Variants in PPARGC1A observed in about 807,000 individuals in gnomAD.
The protein encoded by PPARGC1A is peroxisome proliferator-activated receptor gamma coactivator 1-alpha.
Under a neutral mutation model 88.7 loss-of-function variants are expected in PPARGC1A, and 25 were observed. That is an observed-to-expected ratio of 0.28 (90% CI 0.21 to 0.39). PPARGC1A has a LOEUF of 0.39. PPARGC1A is among the 10% of genes least tolerant of loss of function. The pLI is 1.00. For missense variants in PPARGC1A, 880 were observed against 968.7 expected (o/e 0.91, Z 1.22); for synonymous variants, 363 against 355.6 (o/e 1.02, Z -0.24).
rs933601677 is a variant in PPARGC1A, at chr4:23,824,220, T to TAC, written c.877+58_877+59dup. On this transcript the variant is annotated intron_variant, in intron 7 of 12. Coordinates refer to ENST00000264867, the MANE Select transcript of PPARGC1A (RefSeq NM_013261.5). Reference sequence around the variant, plus strand: ...TAGACAGTACACTCTGTTATCTTATTACACACACACACATATACAGACAGA... The same window carrying TAC: ...TAGACAGTACACTCTGTTATCTTATTACACACACACACACATATACAGACAGA... The TAC allele has an allele frequency of 7.6e-5, 105 of 1,380,910 alleles. 1 individual carries two copies. Among genetic ancestry groups the TAC allele is most frequent in the South Asian group, 6.3e-4 (54 of 85,998 alleles). 85.5% of individuals were successfully genotyped at this position (1,380,910 alleles called of 1,614,324 possible).
the PPARGC1A span, among the ~76,000 whole-genome samples, chr4:24,302,847 T>C: frequency 6.6e-6 from 1 of 152,202 alleles, no homozygotes; most frequent in African/African-American, 2.4e-5. Context: ...CCTGGGGACA[T>C]AGACTCAAGA....
the PPARGC1A span, among the ~76,000 whole-genome samples, chr4:24,463,014 G>C: frequency 1.3e-5 from 2 of 151,888 alleles, no homozygotes; most frequent in Non-Finnish European, 2.9e-5. Context: ...TCACAAGCCC[G>C]CCAACTTCTA....
At chr4:24,283,468 G>C in the PPARGC1A span, among the ~76,000 whole-genome samples, 1 of 152,182 alleles carries the variant, frequency 6.6e-6, no homozygotes, top group African/African-American at 2.4e-5. Context: ...GAAGGAAACG[G>C]CTTCATTTAC....
the PPARGC1A span, among the ~76,000 whole-genome samples, chr4:24,034,101 T>A: frequency 6.6e-6 from 1 of 152,200 alleles, no homozygotes; most frequent in African/African-American, 2.4e-5. Context: ...AAAAAGTATA[T>A]CCCTAAACAA....
At chr4:23,999,174 A>G in the PPARGC1A span, among the ~76,000 whole-genome samples, 1 of 152,048 alleles carries the variant, frequency 6.6e-6, no homozygotes, top group African/African-American at 2.4e-5. Context: ...GTGCCTTTAT[A>G]AGCCACGGTA....
At chr4:24,171,571 A>C in the PPARGC1A span, among the ~76,000 whole-genome samples, 13 of 151,878 alleles carry the variant, frequency 8.6e-5, no homozygotes, top group Non-Finnish European at 1.9e-4. Context: ...TGAGATTAGG[A>C]CTCTTGGTTC....
At chr4:23,939,863 C>T in the PPARGC1A span, among the ~76,000 whole-genome samples, 2 of 152,138 alleles carry the variant, frequency 1.3e-5, no homozygotes, top group Non-Finnish European at 2.9e-5. Context: ...TAATAAGAAC[C>T]TCAGCATCTG....
chr4:24,202,195 G>A, the PPARGC1A span, among the ~76,000 whole-genome samples: 5 of 152,214 alleles, frequency 3.3e-5, no homozygotes, highest in African/African-American at 1.2e-4. Context: ...TCACTTTTAA[G>A]CACTCCCATT....
chr4:23,829,410 A>G (rs1724594084), intron 4 of PPARGC1A, 53 bp downstream of exon 4: 12 of 1,590,288 alleles, frequency 7.5e-6, no homozygotes, highest in Non-Finnish European at 1.0e-5. Context: ...TTACTGCTTC[A>G]AGCCAAAATC....
chr4:23,880,797 T>C (rs1715770915), intron 2 of PPARGC1A: 1 of 152,194 alleles, frequency 6.6e-6, no homozygotes, highest in South Asian at 2.1e-4. Context: ...ACATGAACGC[T>C]GGCTACAGCT....
intron 7 of PPARGC1A, among the ~76,000 whole-genome samples, chr4:23,815,125 GA>G (rs5856793): frequency 0.38 from 46,544 of 121,196 alleles, 7,628 homozygotes; most frequent in Admixed American, 0.48. Context: ...CAACTTAGAA[GA>G]AAAAAAAAAA....
At chr4:24,013,581 T>G in the PPARGC1A span, among the ~76,000 whole-genome samples, 4 of 152,090 alleles carry the variant, frequency 2.6e-5, no homozygotes, top group African/African-American at 9.7e-5. Context: ...AGCTCCAGAG[T>G]ACAACATTGC....
the PPARGC1A span, among the ~76,000 whole-genome samples, chr4:24,004,221 C>T: frequency 6.6e-6 from 1 of 152,162 alleles, no homozygotes; most frequent in East Asian, 1.9e-4. Flanking sequence ...AAGCTGCGAC[C>T]ATTTCAGAAT....
At chr4:24,179,069 T>C in the PPARGC1A span, among the ~76,000 whole-genome samples, 4 of 152,304 alleles carry the variant, frequency 2.6e-5, no homozygotes, top group South Asian at 8.3e-4. Context: ...CGTTGTCTTA[T>C]TGACTCTTCA....
the PPARGC1A span, among the ~76,000 whole-genome samples, chr4:24,164,593 T>TTGG: frequency 1.3e-5 from 2 of 152,180 alleles, no homozygotes; most frequent in African/African-American, 4.8e-5. Flanking sequence ...TGCCATCTTG[T>TTGG]TGGTTTACAC....
the PPARGC1A span, among the ~76,000 whole-genome samples, chr4:24,350,716 C>T: frequency 1.3e-5 from 2 of 152,184 alleles, no homozygotes; most frequent in Non-Finnish European, 2.9e-5. Context: ...GTCTTTATCA[C>T]AAACTATAAC....
intron 2 of PPARGC1A, among the ~76,000 whole-genome samples, chr4:23,844,691 TATATGATCTATC>T (rs1406429465): frequency 9.9e-6 from 1 of 101,172 alleles, no homozygotes; most frequent in Non-Finnish European, 1.7e-5. Flanking sequence ...TATCATATAA[TATATGATCTATC>T]ATAATATATG....
chr4:24,166,395 G>A, the PPARGC1A span, among the ~76,000 whole-genome samples: 1 of 152,176 alleles, frequency 6.6e-6, no homozygotes, highest in Non-Finnish European at 1.5e-5. Context: ...TTGGTGACAG[G>A]GGCTACACTA....
chr4:24,337,994 C>T, the PPARGC1A span, among the ~76,000 whole-genome samples: 20 of 152,216 alleles, frequency 1.3e-4, no homozygotes, highest in East Asian at 3.5e-3. Flanking sequence ...CCTTGTCATC[C>T]GGTCTGAACT....
Sources: allele counts gnomAD v4.1 joint callset (sites outside exome capture counted in the v4.1 genomes callset), GRCh38; gene constraint gnomAD v4.1.1; transcripts MANE v1.5; gene names NCBI Gene and HGNC (gene_info 2026-07-23, HGNC 2026-07-21).